ITPR1: variants seen among roughly 807,000 people sequenced by gnomAD.
ITPR1 encodes the protein inositol 1,4,5-trisphosphate-gated calcium channel ITPR1.
ITPR1 carries 96 observed loss-of-function variants against 318.4 expected under a neutral mutation model. The observed-to-expected ratio is 0.30, with a 90% CI of 0.26 to 0.36. The LOEUF (loss-of-function observed/expected upper bound fraction) is 0.36. ITPR1 is among the 10% of genes least tolerant of loss of function. The probability of loss-of-function intolerance (pLI) is 1.00; values close to 1 mark genes in which losing one functional copy is unlikely to be tolerated. For synonymous variants in ITPR1, 1,312 were observed against 1,289.9 expected, an observed-to-expected ratio of 1.02 and a Z score of -0.37; for missense variants, 2,440 against 3,460.2, an observed-to-expected ratio of 0.71 and a Z score of 7.40.
At chr3:4,841,927 A>G (rs530407169) in intron 61 of ITPR1, among the ~76,000 whole-genome samples, 4 of 152,314 alleles carry the variant, frequency 2.6e-5, no homozygotes, top group Admixed American at 1.3e-4. Flanking sequence ...AACATGACTG[A>G]TTTTATAGGG....
chr3:4,576,648 G>A (rs1374752645), intron 4 of ITPR1, among the ~76,000 whole-genome samples: 1 of 152,224 alleles, frequency 6.6e-6, no homozygotes, highest in Non-Finnish European at 1.5e-5. Flanking sequence ...ACGGGTCATG[G>A]CAATGGAGCC....
At chr3:4,719,616 T>C (rs1017708896) in intron 40 of ITPR1, among the ~76,000 whole-genome samples, 1 of 152,182 alleles carries the variant, frequency 6.6e-6, no homozygotes, top group Admixed American at 6.5e-5. Context: ...AGTGGCCCAC[T>C]GAGGAAGGGA....
intron 4 of ITPR1, among the ~76,000 whole-genome samples, chr3:4,525,897 G>T (rs1340513854): frequency 1.3e-5 from 2 of 152,176 alleles, no homozygotes. Context: ...CAAAGAAAAG[G>T]TGGAAACTAA....
In ITPR1 at chr3:4,514,435, C is replaced by T. The variant is rs932858455; in HGVS notation, c.-16-2041C>T. 4.6e-5 allele frequency among the ~76,000 whole-genome samples: 7 copies of T among 152,154 alleles called. 1 individual carries two copies. Among genetic ancestry groups the T allele is most frequent in the African/African-American group, 1.2e-4 (5 of 41,438 alleles). ...ATGGGGTACATCATGCTTTGTCACT[C>T]GAGGACACTGAATTGTCTGCTTCTT... is the stretch of plus-strand genomic sequence containing the variant. On this transcript the variant is annotated intron_variant, in intron 2 of 61. Transcript: ENST00000649015.
intron 52 of ITPR1, among the ~76,000 whole-genome samples, chr3:4,789,980 A>G (rs2047451784): frequency 6.6e-6 from 1 of 152,386 alleles, no homozygotes; most frequent in African/African-American, 2.4e-5. Flanking sequence ...TAGCCTTATC[A>G]GAATATGTGT....
chr3:4,792,128 G>A (rs2047596504), intron 52 of ITPR1, among the ~76,000 whole-genome samples: 1 of 152,126 alleles, frequency 6.6e-6, no homozygotes, highest in Non-Finnish European at 1.5e-5. Context: ...TTCTCATGCT[G>A]TGCTACTGAC....
At chr3:4,584,372 T>C (rs1329285737) in intron 4 of ITPR1, among the ~76,000 whole-genome samples, 1 of 152,128 alleles carries the variant, frequency 6.6e-6, no homozygotes, top group Non-Finnish European at 1.5e-5. Context: ...TGTGGCTTAT[T>C]CCTTGGAGCT....
At chr3:4,716,645 CT>C (rs1228193681) in intron 39 of ITPR1, among the ~76,000 whole-genome samples, 1 of 152,180 alleles carries the variant, frequency 6.6e-6, no homozygotes, top group Non-Finnish European at 1.5e-5. Context: ...CTGACAGCAA[CT>C]TAAATTTGCA....
At chr3:4,676,398 C>G (rs2094186313) in intron 23 of ITPR1, among the ~76,000 whole-genome samples, 1 of 152,170 alleles carries the variant, frequency 6.6e-6, no homozygotes, top group South Asian at 2.1e-4. Flanking sequence ...CACAGAAATG[C>G]CCCTCTGGGG....
chr3:4,720,660 C>G (rs2042082670), intron 40 of ITPR1, among the ~76,000 whole-genome samples: 2 of 152,170 alleles, frequency 1.3e-5, no homozygotes, highest in South Asian at 2.1e-4. Context: ...CAACTTTGCC[C>G]TCCTGCATTG....
chr3:4,609,046 A>G (rs1406631602), intron 4 of ITPR1, among the ~76,000 whole-genome samples: 1 of 84,026 alleles, frequency 1.2e-5, no homozygotes, highest in African/African-American at 4.8e-5. Flanking sequence ...CAACAACAAC[A>G]ACGAAATATA....
At chr3:4,577,283 A>G (rs756253690) in intron 4 of ITPR1, among the ~76,000 whole-genome samples, 1 of 152,222 alleles carries the variant, frequency 6.6e-6, no homozygotes, top group African/African-American at 2.4e-5. Flanking sequence ...ATTGTATGCA[A>G]TCTGCTGTGA....
intron 35 of ITPR1, among the ~76,000 whole-genome samples, chr3:4,702,151 A>G (rs539276178): frequency 6.6e-6 from 1 of 152,244 alleles, no homozygotes; most frequent in African/African-American, 2.4e-5. Context: ...AAATTGATTC[A>G]GTGGATGTTT....
chr3:4,836,724 AG>A, intron 60 of ITPR1, 49 bp from the exon 61 acceptor site: 1 of 1,310,662 alleles, frequency 7.6e-7, no homozygotes, highest in Non-Finnish European at 9.8e-7. Context: ...TACCTCTAGA[AG>A]TGACTCAGTC....
chr3:4,509,904 C>T (rs1456081090), intron 2 of ITPR1, among the ~76,000 whole-genome samples: 2 of 152,212 alleles, frequency 1.3e-5, no homozygotes, highest in Non-Finnish European at 2.9e-5. Flanking sequence ...CTACCAGGTA[C>T]TAGGATGCAA....
intron 37 of ITPR1, among the ~76,000 whole-genome samples, chr3:4,709,727 A>G (rs1246589580): frequency 1.3e-5 from 2 of 152,196 alleles, no homozygotes; most frequent in African/African-American, 4.8e-5. Flanking sequence ...TCATGCTATC[A>G]GGGTACATGT....
rs1433345685 is a variant in ITPR1, at chr3:4,846,921, A to G, written c.*696A>G. 1.3e-5 allele frequency: 2 copies of G among 152,662 alleles called. No homozygotes were observed. The highest frequency in any genetic ancestry group is 4.8e-5 in the African/African-American group (2 of 41,464). The allele number at this position is 152,662 out of a possible 1,614,324, so 9.5% of individuals were successfully genotyped here. ...AGCTTCTAAATTGATCATTTAAACTATTTCTTTAAATAAGAGAGCCAAATT... is the reference window on the plus strand; with the variant it reads ...AGCTTCTAAATTGATCATTTAAACTGTTTCTTTAAATAAGAGAGCCAAATT... On this transcript the variant is annotated 3_prime_UTR_variant, in exon 62 of 62. Transcript: ENST00000649015.
chr3:4,769,253 C>T (rs2046029618), intron 46 of ITPR1, among the ~76,000 whole-genome samples: 1 of 152,056 alleles, frequency 6.6e-6, no homozygotes, highest in Non-Finnish European at 1.5e-5. Context: ...AAGTAATGCC[C>T]TTGTCTGTCT....
chr3:4,670,041 T>G (rs1347417796), intron 19 of ITPR1, among the ~76,000 whole-genome samples: 2 of 152,202 alleles, frequency 1.3e-5, no homozygotes, highest in Non-Finnish European at 2.9e-5. Context: ...CAGCTACATT[T>G]TAAGAGTTTA....
Sources: gnomAD v4.1 joint callset for allele counts (sites outside exome capture counted in the v4.1 genomes callset) on GRCh38, gnomAD v4.1.1 for gene constraint, MANE v1.5 for transcripts, NCBI Gene and HGNC (gene_info 2026-07-23, HGNC 2026-07-21) for gene names.